Variants in TENM4 observed in about 807,000 individuals in gnomAD.
The protein encoded by TENM4 is teneurin-4.
Under a neutral mutation model 243.3 loss-of-function variants are expected in TENM4, and 82 were observed. That is an observed-to-expected ratio of 0.34 (90% CI 0.28 to 0.40). TENM4 has a LOEUF of 0.40. Ranked by LOEUF, TENM4 falls within the 10% of genes least tolerant of loss-of-function variation. The pLI, the probability that TENM4 is intolerant of heterozygous loss-of-function variation, is 1.00. For synonymous variants in TENM4, 1,412 were observed against 1,456.3 expected (o/e 0.97, Z 0.69); for missense variants, 3,138 against 3,673.3 (o/e 0.85, Z 3.77).
At chr11:79,008,606 A>G (rs773586932) in intron 6 of TENM4, among the ~76,000 whole-genome samples, 10 of 152,238 alleles carry the variant, frequency 6.6e-5, no homozygotes, top group Non-Finnish European at 1.3e-4. Flanking sequence ...TAACTTTATA[A>G]TATTACATTA....
At chr11:79,066,680 G>A (rs570937611) in intron 5 of TENM4, among the ~76,000 whole-genome samples, 29 of 148,408 alleles carry the variant, frequency 2.0e-4, no homozygotes, top group Non-Finnish European at 2.2e-4. Context: ...GCACACACAC[G>A]CACGCATGCA....
At chr11:79,274,135 C>T (rs1441540272) in intron 2 of TENM4, among the ~76,000 whole-genome samples, 1 of 152,182 alleles carries the variant, frequency 6.6e-6, no homozygotes, top group Non-Finnish European at 1.5e-5. Context: ...GAGGGAAGTC[C>T]TAATGTGGGG....
At chr11:79,231,651 C>T (rs989442391) in intron 2 of TENM4, among the ~76,000 whole-genome samples, 5 of 152,218 alleles carry the variant, frequency 3.3e-5, no homozygotes, top group African/African-American at 1.2e-4. Context: ...TGATACCCAC[C>T]CTCAGAGCAG....
intron 9 of TENM4, among the ~76,000 whole-genome samples, chr11:78,877,814 G>A (rs1202826690): frequency 6.6e-6 from 1 of 152,192 alleles, no homozygotes; most frequent in Non-Finnish European, 1.5e-5. Flanking sequence ...TTGCCAGGGG[G>A]AAGGGGCAGG....
chr11:79,063,345 G>A (rs921515688), intron 6 of TENM4, among the ~76,000 whole-genome samples: 1 of 152,148 alleles, frequency 6.6e-6, no homozygotes, highest in African/African-American at 2.4e-5. Context: ...CAGGAATCAC[G>A]AGGATCTACA....
chr11:78,879,402 G>T (rs896223200), intron 9 of TENM4, among the ~76,000 whole-genome samples: 778 of 106,748 alleles, frequency 7.3e-3, no homozygotes, highest in East Asian at 0.011. Flanking sequence ...CTGTCTGGGA[G>T]GTGGGGAGTG....
chr11:78,654,283 C>T lies in TENM4; in HGVS notation c.*3775G>A, dbSNP rs779573334. 1 of 152,158 alleles carries T rather than the reference C, an allele frequency of 6.6e-6. No homozygotes were observed. The highest frequency in any genetic ancestry group is 2.1e-4 in the South Asian group (1 of 4,836). 9.4% of individuals were successfully genotyped at this position (152,158 alleles called of 1,614,324 possible). The stretch of plus-strand genomic sequence containing the variant: ...GATGCTCAAATCCCCAAGCCTGACA[C>T]CCTGCTGAGAGCTTGAAAGCTCATT... On this transcript the variant is annotated 3_prime_UTR_variant, in exon 34 of 34. Transcript: ENST00000278550.
chr11:79,163,853 T>A (rs927048040), intron 3 of TENM4, among the ~76,000 whole-genome samples: 1 of 145,588 alleles, frequency 6.9e-6, no homozygotes, highest in African/African-American at 2.5e-5. Flanking sequence ...TATATACATA[T>A]ATACACACAT....
At position 79,317,098 on chromosome 11, in the gene TENM4, T is replaced by G. The variant is rs199883941; in HGVS notation, c.-320-19555A>C. Among the ~76,000 whole-genome samples, 6 of 152,226 alleles carry G rather than the reference T, an allele frequency of 3.9e-5. No individual in the cohort carries two copies. The East Asian group carries it at 1.2e-3, about 29-fold the overall frequency. On this transcript the variant is annotated intron_variant, in intron 1 of 33. Transcript: ENST00000278550. ...ATGACAAAAAGAATGACTTTTAAAATAATTTTCTTCCAGGCTAGCAGTTTA... is the reference window on the plus strand; with the variant it reads ...ATGACAAAAAGAATGACTTTTAAAAGAATTTTCTTCCAGGCTAGCAGTTTA...
intron 3 of TENM4, among the ~76,000 whole-genome samples, chr11:79,154,149 A>G (rs1263343425): frequency 6.6e-6 from 1 of 151,196 alleles, no homozygotes; most frequent in East Asian, 1.9e-4. Flanking sequence ...TTAAAAAAAA[A>G]GAGGTTTAAT....
At chr11:79,294,744 G>A (rs892842446) in intron 2 of TENM4, among the ~76,000 whole-genome samples, 1 of 152,136 alleles carries the variant, frequency 6.6e-6, no homozygotes, top group Admixed American at 6.5e-5. Flanking sequence ...AGCTGCTTGG[G>A]AGGCTGAGGC....
In TENM4 at chr11:79,296,248, T is replaced by A. The variant is rs190828974; in HGVS notation, c.-265+1240A>T. 7.2e-5 allele frequency among the ~76,000 whole-genome samples: 11 copies of A among 152,288 alleles called. No individual in the cohort carries two copies. In the East Asian group the frequency reaches 2.1e-3, roughly 29 times the overall value. On this transcript the variant is annotated intron_variant, in intron 2 of 33. Coordinates refer to ENST00000278550, the MANE Select transcript of TENM4 (RefSeq NM_001098816.3). ...AACTCAGCAAAAGCAGAAGCTACCA[T>A]GCTTGGAGTCCAGGATCATTAAGCT...
At chr11:78,929,071 T>G (rs1856614679) in intron 6 of TENM4, among the ~76,000 whole-genome samples, 1 of 152,206 alleles carries the variant, frequency 6.6e-6, no homozygotes, top group African/African-American at 2.4e-5. Context: ...CACCTGCAGC[T>G]GGGCAGCTCA....
intron 15 of TENM4, among the ~76,000 whole-genome samples, chr11:78,798,863 A>G (rs1228741340): frequency 6.6e-6 from 1 of 152,040 alleles, no homozygotes; most frequent in Non-Finnish European, 1.5e-5. Context: ...TTACTGGCCA[A>G]GTTCACTGCT....
intron 6 of TENM4, among the ~76,000 whole-genome samples, chr11:79,030,058 GC>G (rs1859187219): frequency 6.6e-6 from 1 of 152,084 alleles, no homozygotes; most frequent in South Asian, 2.1e-4. Context: ...ATCGGAATCC[GC>G]CCTGGATTAA....
At chr11:79,439,182 C>A (rs1307430360) in intron 1 of TENM4, 4 of 149,702 alleles carry the variant, frequency 2.7e-5, no homozygotes, top group Non-Finnish European at 5.9e-5. Flanking sequence ...CCGCCTTCTA[C>A]AAAGCAGCGG....
At chr11:78,891,864 GA>G (rs559230200) in intron 7 of TENM4, among the ~76,000 whole-genome samples, 76 of 149,980 alleles carry the variant, frequency 5.1e-4, no homozygotes, top group Admixed American at 1.1e-3. Context: ...CTAGTCCAAA[GA>G]AAAAAAAAAG....
chr11:79,196,209 C>A (rs1863623653), intron 3 of TENM4, among the ~76,000 whole-genome samples: 1 of 152,014 alleles, frequency 6.6e-6, no homozygotes, highest in Non-Finnish European at 1.5e-5. Context: ...TGAAAACAGA[C>A]TAATGCAAGA....
At chr11:79,393,589 T>C (rs1472305835) in intron 1 of TENM4, among the ~76,000 whole-genome samples, 2 of 152,174 alleles carry the variant, frequency 1.3e-5, no homozygotes, top group African/African-American at 4.8e-5. Flanking sequence ...ATTTTAACAA[T>C]GGCAAATGAG....
Sources: allele counts gnomAD v4.1 joint callset (sites outside exome capture counted in the v4.1 genomes callset), GRCh38; gene constraint gnomAD v4.1.1; transcripts MANE v1.5; gene names NCBI Gene and HGNC (gene_info 2026-07-23, HGNC 2026-07-21).